The following ROBO1 variants were observed in gnomAD, a reference collection of about 807,000 sequenced individuals.
The protein encoded by ROBO1 is roundabout homolog 1.
A neutral mutation model predicts 195.9 loss-of-function variants in ROBO1; 149 were observed. The observed-to-expected ratio is 0.76, with a 90% CI of 0.67 to 0.87. The LOEUF (loss-of-function observed/expected upper bound fraction) is 0.87, where lower values mean the gene tolerates loss of function less well. Among genes scored for constraint, ROBO1 ranks in the 40% least tolerant of loss-of-function variants. ROBO1 has a pLI of 0.00. For synonymous variants in ROBO1, 816 were observed against 733.2 expected, an observed-to-expected ratio of 1.11 and a Z score of -1.82; for missense variants, 1,933 against 2,068.3, an observed-to-expected ratio of 0.93 and a Z score of 1.27.
chr3:79,602,553 C>T (rs1944368925), intron 1 of ROBO1, among the ~76,000 whole-genome samples: 2 of 151,934 alleles, frequency 1.3e-5, no homozygotes, highest in Non-Finnish European at 2.9e-5. Context: ...AATTACTAAC[C>T]AAGTGATTTC....
chr3:79,604,190 T>C (rs1286857569), intron 1 of ROBO1, among the ~76,000 whole-genome samples: 2 of 151,832 alleles, frequency 1.3e-5, no homozygotes, highest in Admixed American at 1.3e-4. Flanking sequence ...AAGTTTGAGA[T>C]ACAGAGGCAA....
chr3:79,290,310 G>A (rs1385980192), intron 2 of ROBO1, among the ~76,000 whole-genome samples: 1 of 152,018 alleles, frequency 6.6e-6, no homozygotes, highest in African/African-American at 2.4e-5. Flanking sequence ...GGGATTACAG[G>A]AGTGAGCTAC....
chr3:78,641,241 A>G (rs1179197270), intron 21 of ROBO1, among the ~76,000 whole-genome samples: 1 of 152,124 alleles, frequency 6.6e-6, no homozygotes, highest in Non-Finnish European at 1.5e-5. Context: ...GAGGTTAAGA[A>G]GTTTGTGCAT....
rs142251104 is a variant in ROBO1, at chr3:79,550,197, A to AAAGG, written c.88+39626_88+39627insCCTT. Reference sequence around the variant, plus strand: ...AAAGAAAGAAAGAAAGAAAGAAAGGAAAAGAAAAGAAAAGAAAAGAAAAGA... The same window carrying AAAGG: ...AAAGAAAGAAAGAAAGAAAGAAAGGAAAGGAAAGAAAAGAAAAGAAAAGAAAAGA... On this transcript the variant is annotated intron_variant, in intron 2 of 30. Transcript: ENST00000464233. Among the ~76,000 whole-genome samples, 26 of 19,312 alleles carry AAAGG rather than the reference A, an allele frequency of 1.3e-3. 1 individual carries two copies. Among genetic ancestry groups the AAAGG allele is most frequent in the Non-Finnish European group, 1.5e-3 (11 of 7,500 alleles). The allele number at this position is 19,312 out of a possible 152,430, so 12.7% of individuals were successfully genotyped here. A position where few individuals can be genotyped will look rare whatever the true frequency, so the allele number is the denominator to read the frequency against.
chr3:78,661,712 G>GTAA (rs1707417656), intron 15 of ROBO1, among the ~76,000 whole-genome samples: 1 of 152,150 alleles, frequency 6.6e-6, no homozygotes, highest in African/African-American at 2.4e-5. Flanking sequence ...AAAGATTCAT[G>GTAA]TAATAATGAT....
chr3:78,628,182 G>A (rs933486957), intron 25 of ROBO1, among the ~76,000 whole-genome samples: 2 of 152,130 alleles, frequency 1.3e-5, no homozygotes, highest in Non-Finnish European at 2.9e-5. Context: ...TCGAACTGCT[G>A]ACTTCAAGTG....
chr3:78,797,176 G>A (rs2084209596), intron 4 of ROBO1, among the ~76,000 whole-genome samples: 1 of 152,136 alleles, frequency 6.6e-6, no homozygotes. Flanking sequence ...ACTAGCCATC[G>A]TACCTGCATG....
At chr3:79,280,310 A>T (rs1340186220) in intron 2 of ROBO1, among the ~76,000 whole-genome samples, 1 of 152,156 alleles carries the variant, frequency 6.6e-6, no homozygotes, top group Admixed American at 6.5e-5. Flanking sequence ...ACTATACATT[A>T]TATGTTTTGA....
chr3:79,171,521 A>G (rs967447167), intron 2 of ROBO1, among the ~76,000 whole-genome samples: 1 of 152,028 alleles, frequency 6.6e-6, no homozygotes, highest in East Asian at 1.9e-4. Context: ...AACAGATTAA[A>G]CTTAAAATTG....
intron 1 of ROBO1, among the ~76,000 whole-genome samples, chr3:79,712,669 T>C (rs1702321125): frequency 6.6e-6 from 1 of 152,096 alleles, no homozygotes; most frequent in African/African-American, 2.4e-5. Context: ...CACTGTAGAC[T>C]TAACAGCCTT....
intron 1 of ROBO1, among the ~76,000 whole-genome samples, chr3:79,627,049 A>G (rs1945201637): frequency 6.6e-6 from 1 of 152,238 alleles, no homozygotes; most frequent in African/African-American, 2.4e-5. Flanking sequence ...GGAAGAATCA[A>G]TATTGTCAAA....
rs772695815 is a variant in ROBO1 at position 78,661,182 on chromosome 3, C to A, written c.2168G>T (p.Trp723Leu). ...PSGANHGESD[W>L]LVFEVRTPAK... is the part of the protein sequence containing the mutation. ...TGGCGTCCTCACTTCAAAAACTAAC[C>A]AGTCTGATTCTCCGTGGTTGGCTCC... is the stretch of plus-strand genomic sequence containing the variant. Residue 723 changes from tryptophan to leucine, a missense_variant, in exon 16 of 31, where the codon TGG becomes TTG. Coordinates refer to ENST00000464233, the MANE Select transcript of ROBO1 (RefSeq NM_002941.4). 6.2e-7 allele frequency: 1 copy of A among 1,613,626 alleles called. No homozygotes were observed. Among genetic ancestry groups the A allele is most frequent in the Non-Finnish European group, 8.5e-7 (1 of 1,179,770 alleles).
intron 1 of ROBO1, among the ~76,000 whole-genome samples, chr3:79,755,536 A>G (rs1704340738): frequency 6.6e-6 from 1 of 152,210 alleles, no homozygotes; most frequent in South Asian, 2.1e-4. Flanking sequence ...AGTACCCTCG[A>G]GCATCATCTG....
At chr3:78,632,546 G>C (rs926410680) in intron 24 of ROBO1, among the ~76,000 whole-genome samples, 11 of 152,108 alleles carry the variant, frequency 7.2e-5, no homozygotes, top group African/African-American at 2.4e-4. Context: ...AACTCCATCA[G>C]TCCGGAGAGG....
chr3:79,453,770 G>A (rs772487929), intron 2 of ROBO1, among the ~76,000 whole-genome samples: 1 of 152,030 alleles, frequency 6.6e-6, no homozygotes, highest in Non-Finnish European at 1.5e-5. Flanking sequence ...TAGGAAACTT[G>A]GAAAAAACAC....
intron 2 of ROBO1, among the ~76,000 whole-genome samples, chr3:79,327,020 T>C (rs567198306): frequency 6.4e-4 from 97 of 152,306 alleles, no homozygotes; most frequent in Non-Finnish European, 1.2e-3. Context: ...AAAGGTACGT[T>C]ATGATGCTCA....
chr3:78,823,390 A>G (rs2031228047), intron 4 of ROBO1, among the ~76,000 whole-genome samples: 1 of 152,324 alleles, frequency 6.6e-6, no homozygotes, highest in East Asian at 1.9e-4. Flanking sequence ...TTAATTTACT[A>G]TCCTATTTCT....
intron 24 of ROBO1, 95 bp downstream of exon 24, chr3:78,633,840 T>A: frequency 1.5e-6 from 1 of 688,512 alleles, no homozygotes. Context: ...GATTTAGACA[T>A]GTCACCTACA....
chr3:79,219,904 C>T (rs186886789), intron 2 of ROBO1, among the ~76,000 whole-genome samples: 75 of 152,112 alleles, frequency 4.9e-4, no homozygotes, highest in African/African-American at 1.7e-3. Context: ...TCCTTCCCCA[C>T]TTACTTATGA....
Sources: gnomAD v4.1 joint callset for allele counts (sites outside exome capture counted in the v4.1 genomes callset) on GRCh38, gnomAD v4.1.1 for gene constraint, MANE v1.5 for transcripts, NCBI Gene and HGNC (gene_info 2026-07-23, HGNC 2026-07-21) for gene names.